Variants in PAK1 observed in about 807,000 individuals in gnomAD.
PAK1 encodes serine/threonine-protein kinase PAK 1.
A neutral mutation model predicts 67.4 loss-of-function variants in PAK1; 29 were observed. That is an observed-to-expected ratio of 0.43 (90% confidence interval 0.32 to 0.59). The LOEUF (loss-of-function observed/expected upper bound fraction) is 0.59. Among genes scored for constraint, PAK1 ranks in the 20% least tolerant of loss-of-function variants. The pLI, the probability that PAK1 is intolerant of heterozygous loss-of-function variation, is 0.07. For synonymous variants in PAK1, 223 were observed against 237.4 expected, an observed-to-expected ratio of 0.94 and a Z score of 0.56; for missense variants, 337 against 670.7, an observed-to-expected ratio of 0.50 and a Z score of 5.50.
chr11:77,459,820 G>T (rs1362266627), intron 1 of PAK1, among the ~76,000 whole-genome samples: 1 of 142,480 alleles, frequency 7.0e-6, no homozygotes, highest in African/African-American at 2.6e-5. Context: ...AGCCACCCCC[G>T]CGAGCAGCTG....
intron 1 of PAK1, among the ~76,000 whole-genome samples, chr11:77,417,383 G>A (rs897126156): frequency 6.6e-6 from 1 of 152,172 alleles, no homozygotes; most frequent in African/African-American, 2.4e-5. Context: ...AGTCTGAAAA[G>A]GCTGATTCCA....
chr11:77,403,783 T>C (rs908656471), intron 1 of PAK1, among the ~76,000 whole-genome samples: 1 of 152,240 alleles, frequency 6.6e-6, no homozygotes, highest in Non-Finnish European at 1.5e-5. Context: ...TTGAAAGTTA[T>C]GATTACCTTC....
intron 14 of PAK1, among the ~76,000 whole-genome samples, chr11:77,329,589 C>T (rs552374314): frequency 6.6e-6 from 1 of 152,258 alleles, no homozygotes; most frequent in African/African-American, 2.4e-5. Flanking sequence ...AACAACCCTT[C>T]ATGCTAAACA....
At chr11:77,475,104 A>G (rs993918544), upstream of PAK1, 2 of 152,092 alleles carry the variant, frequency 1.3e-5, no homozygotes, top group South Asian at 4.1e-4. Context: ...AATGTTGGCT[A>G]TTATTATTAT....
At chr11:77,345,922 G>C (rs752346561) in intron 9 of PAK1, among the ~76,000 whole-genome samples, 1 of 152,178 alleles carries the variant, frequency 6.6e-6, no homozygotes, top group African/African-American at 2.4e-5. Flanking sequence ...AGCAGGGGAG[G>C]AGAGGCAGAA....
chr11:77,483,972 C>A, the PAK1 span, among the ~76,000 whole-genome samples: 2 of 152,092 alleles, frequency 1.3e-5, no homozygotes, highest in Non-Finnish European at 2.9e-5. Flanking sequence ...CAGGGATGAG[C>A]ATCTGATTCA....
intron 12 of PAK1, among the ~76,000 whole-genome samples, chr11:77,336,850 T>A (rs1484990587): frequency 6.6e-6 from 1 of 152,088 alleles, no homozygotes; most frequent in African/African-American, 2.4e-5. Flanking sequence ...TTACATTATA[T>A]TGCAATTATA....
chr11:77,336,737 T>C (rs1308556772), intron 12 of PAK1, among the ~76,000 whole-genome samples: 1 of 152,196 alleles, frequency 6.6e-6, no homozygotes, highest in Non-Finnish European at 1.5e-5. Context: ...CCAGGGCTGC[T>C]AGCAGTCCTT....
At chr11:77,505,574 C>T in the PAK1 span, among the ~76,000 whole-genome samples, 2 of 152,304 alleles carry the variant, frequency 1.3e-5, no homozygotes, top group Middle Eastern at 3.4e-3. Flanking sequence ...ATTCCTCTCC[C>T]CATCCCTTGC....
At chr11:77,457,211 A>G (rs1957121224) in intron 1 of PAK1, among the ~76,000 whole-genome samples, 1 of 152,202 alleles carries the variant, frequency 6.6e-6, no homozygotes, top group Non-Finnish European at 1.5e-5. Context: ...AGAAGAGAAA[A>G]TTATATTTAC....
At chr11:77,350,669 G>C (rs752302213) in intron 8 of PAK1, among the ~76,000 whole-genome samples, 1 of 152,178 alleles carries the variant, frequency 6.6e-6, no homozygotes, top group Non-Finnish European at 1.5e-5. Context: ...GGTCAATCCA[G>C]GGGGAAAAGT....
the PAK1 span, among the ~76,000 whole-genome samples, chr11:77,525,161 A>C: frequency 6.7e-6 from 1 of 150,162 alleles, no homozygotes; most frequent in African/African-American, 2.5e-5. Flanking sequence ...CCCGGGCAAC[A>C]TGGCAAAATC....
At position 77,368,851 on chromosome 11, in the gene PAK1, C is replaced by T. The variant is rs575244747; in HGVS notation, c.477+5477G>A. ...TTTTTGTATTACAGGCGTGAGCCAC[C>T]GCGCCTGGCCGGTAAAAATACTTTT... On this transcript the variant is annotated intron_variant, in intron 5 of 14. Transcript: ENST00000356341. 2.7e-4 allele frequency among the ~76,000 whole-genome samples: 41 copies of T among 152,076 alleles called. 1 individual carries two copies. The highest frequency in any genetic ancestry group is 9.9e-4 in the African/African-American group (41 of 41,470).
chr11:77,497,079 G>A, the PAK1 span, among the ~76,000 whole-genome samples: 2 of 152,206 alleles, frequency 1.3e-5, no homozygotes, highest in African/African-American at 4.8e-5. Flanking sequence ...GGTCAATGGA[G>A]CTTATCTAGC....
At chr11:77,408,532 T>TACACATACAC (rs1555167878) in intron 1 of PAK1, among the ~76,000 whole-genome samples, 1,458 of 137,936 alleles carry the variant, frequency 0.011, 10 homozygotes, top group South Asian at 0.041. Context: ...TATGGAGAAA[T>TACACATACAC]ACACACACAC....
At chr11:77,471,764 T>TAG (rs1400090249) in intron 1 of PAK1, among the ~76,000 whole-genome samples, 1 of 152,240 alleles carries the variant, frequency 6.6e-6, no homozygotes, top group Non-Finnish European at 1.5e-5. Flanking sequence ...TACAGAAATC[T>TAG]TTCTGGATGC....
At position 77,360,751 on chromosome 11, in the gene PAK1, C is replaced by T. The variant is rs114894099; in HGVS notation, c.478-1734G>A. Among the ~76,000 whole-genome samples, 1,207 of 152,276 alleles carry T rather than the reference C, an allele frequency of 7.9e-3. 21 individuals carry two copies. Among genetic ancestry groups the T allele is most frequent in the African/African-American group, 0.028 (1,160 of 41,550 alleles). On this transcript the variant is annotated intron_variant, in intron 5 of 14. Transcript: ENST00000356341. The stretch of plus-strand genomic sequence containing the variant: ...TAGGTTATTACCCAGATTTTTACTT[C>T]TTAGCCCTGTGTCCTTGGGCAAGGG...
chr11:77,451,603 TTTTG>T (rs1413366807), intron 1 of PAK1, among the ~76,000 whole-genome samples: 2 of 142,478 alleles, frequency 1.4e-5, no homozygotes, highest in Non-Finnish European at 3.0e-5. Context: ...TTTTGTTTTT[TTTTG>T]TTTTTTTTTT....
the PAK1 span, among the ~76,000 whole-genome samples, chr11:77,506,782 A>T: frequency 6.6e-6 from 1 of 152,158 alleles, no homozygotes; most frequent in Non-Finnish European, 1.5e-5. Context: ...GGGGCCAGGG[A>T]TAACTCCCAG....
Sources: gnomAD v4.1 joint callset for allele counts (sites outside exome capture counted in the v4.1 genomes callset) on GRCh38, gnomAD v4.1.1 for gene constraint, MANE v1.5 for transcripts, NCBI Gene and HGNC (gene_info 2026-07-23, HGNC 2026-07-21) for gene names.